The following NBEA variants were observed in gnomAD, a reference collection of about 807,000 sequenced individuals.
NBEA encodes the protein neurobeachin, also known as lysosomal-trafficking regulator 2.
Under a neutral mutation model 343.4 loss-of-function variants are expected in NBEA, and 44 were observed. The ratio of observed to expected loss-of-function variants is 0.13; its 90% confidence interval spans 0.10 to 0.16. The LOEUF (loss-of-function observed/expected upper bound fraction) is 0.16, where lower values mean the gene tolerates loss of function less well. Among genes scored for constraint, NBEA ranks in the 10% least tolerant of loss-of-function variants. The pLI is 1.00. For missense variants in NBEA, 2,555 were observed against 3,631.3 expected (o/e 0.70, Z 7.62); for synonymous variants, 1,175 against 1,238.7 (o/e 0.95, Z 1.08).
intron 49 of NBEA, among the ~76,000 whole-genome samples, chr13:35,636,201 T>G (rs1213064405): frequency 6.6e-6 from 1 of 152,232 alleles, no homozygotes; most frequent in Non-Finnish European, 1.5e-5. Context: ...CATACTTCAA[T>G]TTGTTGAAAT....
At chr13:35,089,928 G>A (rs1396529886) in intron 10 of NBEA, among the ~76,000 whole-genome samples, 196 of 102,940 alleles carry the variant, frequency 1.9e-3, no homozygotes, top group Middle Eastern at 0.011. Context: ...GGGGAGGGGG[G>A]AGGGATAGCA....
At chr13:35,241,281 A>G (rs938401048) in intron 34 of NBEA, among the ~76,000 whole-genome samples, 2 of 151,832 alleles carry the variant, frequency 1.3e-5, no homozygotes, top group African/African-American at 4.8e-5. Flanking sequence ...TCCCACATAC[A>G]TATGGTAACA....
At position 35,177,024 on chromosome 13, in the gene NBEA, T is replaced by C; in HGVS notation, c.4583T>C (p.Leu1528Pro). 1 of 1,602,704 alleles carries C rather than the reference T, an allele frequency of 6.2e-7. No homozygotes were observed. Among genetic ancestry groups the C allele is most frequent in the Non-Finnish European group, 8.5e-7 (1 of 1,173,400 alleles). The change falls in exon 28 of 59, where the codon CTT becomes CCT. Residue 1528 changes from leucine to proline, a missense_variant. Around this residue, in one of 21 missense-constraint regions of NBEA, gnomAD observed 168 missense variants for 193.0 expected, o/e 0.87. Transcript: ENST00000379939. ...KTPLENVPGNLSPIKDPDRLL... is the reference protein window; with the variant it reads ...KTPLENVPGNPSPIKDPDRLL... The stretch of plus-strand genomic sequence containing the variant: ...CCATTGGAAAATGTTCCAGGTAACC[T>C]TTCTCCTATTAAGGATCCGGATAGA...
intron 43 of NBEA, among the ~76,000 whole-genome samples, chr13:35,552,985 A>G (rs2079407951): frequency 6.6e-6 from 1 of 151,678 alleles, no homozygotes; most frequent in Non-Finnish European, 1.5e-5. Flanking sequence ...TGATGTCCCC[A>G]GGCTCAGGAG....
intron 38 of NBEA, among the ~76,000 whole-genome samples, chr13:35,352,909 A>AATT (rs1028546964): frequency 2.0e-5 from 3 of 152,034 alleles, no homozygotes; most frequent in African/African-American, 7.3e-5. Flanking sequence ...GTGGACATAC[A>AATT]ATTATTGTTG....
intron 48 of NBEA, among the ~76,000 whole-genome samples, chr13:35,617,757 C>G (rs1254308025): frequency 3.9e-5 from 6 of 152,144 alleles, no homozygotes; most frequent in Admixed American, 1.3e-4. Flanking sequence ...TTTTCTCATC[C>G]TACTACTAGG....
intron 47 of NBEA, among the ~76,000 whole-genome samples, chr13:35,601,284 AT>A (rs2082034409): frequency 6.6e-6 from 1 of 152,174 alleles, no homozygotes; most frequent in Non-Finnish European, 1.5e-5. Context: ...AGTAATCTTG[AT>A]TCATTTTTAA....
At chr13:35,628,681 G>T (rs2083328258) in intron 49 of NBEA, among the ~76,000 whole-genome samples, 1 of 152,170 alleles carries the variant, frequency 6.6e-6, no homozygotes, top group African/African-American at 2.4e-5. Context: ...ACTTTGGGAG[G>T]CCAAGGTGAG....
chr13:35,179,275 A>T (rs2071136598), intron 28 of NBEA, among the ~76,000 whole-genome samples: 1 of 151,628 alleles, frequency 6.6e-6, no homozygotes, highest in Non-Finnish European at 1.5e-5. Context: ...TTAGTGCTTG[A>T]TACATAATAT....
At chr13:35,144,189 G>T (rs1159671300) in intron 18 of NBEA, among the ~76,000 whole-genome samples, 2 of 152,088 alleles carry the variant, frequency 1.3e-5, no homozygotes, top group Non-Finnish European at 2.9e-5. Flanking sequence ...GGGGAGTGTG[G>T]GTATACTTAA....
chr13:35,466,862 C>G (rs970187105), intron 40 of NBEA, among the ~76,000 whole-genome samples: 6 of 152,158 alleles, frequency 3.9e-5, no homozygotes, highest in Admixed American at 3.3e-4. Flanking sequence ...AAAACAGTCA[C>G]TATCTGTAGA....
chr13:35,029,805 T>G (rs1277391728), intron 1 of NBEA, among the ~76,000 whole-genome samples: 1 of 151,700 alleles, frequency 6.6e-6, no homozygotes, highest in Non-Finnish European at 1.5e-5. Context: ...TTCAAAATTT[T>G]TATTCAGTAA....
intron 31 of NBEA, among the ~76,000 whole-genome samples, chr13:35,197,739 A>G (rs955856027): frequency 6.6e-6 from 1 of 151,990 alleles, no homozygotes; most frequent in Non-Finnish European, 1.5e-5. Context: ...TGACCTCATG[A>G]TCCACCCGCC....
At chr13:35,033,915 G>GT (rs1026767015) in intron 1 of NBEA, among the ~76,000 whole-genome samples, 1 of 151,408 alleles carries the variant, frequency 6.6e-6, no homozygotes, top group African/African-American at 2.4e-5. Context: ...AAATCTTTAG[G>GT]TTTTTTTCAG....
chr13:35,306,513 C>T (rs189355408), intron 35 of NBEA, among the ~76,000 whole-genome samples: 1 of 151,840 alleles, frequency 6.6e-6, no homozygotes, highest in African/African-American at 2.4e-5. Context: ...CTTCATATGT[C>T]CCAGTTTTAT....
At chr13:35,166,347 A>G (rs916833728) in intron 24 of NBEA, among the ~76,000 whole-genome samples, 1 of 152,206 alleles carries the variant, frequency 6.6e-6, no homozygotes, top group Non-Finnish European at 1.5e-5. Flanking sequence ...CTATTGCACC[A>G]GTCAAATTTG....
At chr13:35,029,468 G>A (rs2062129514) in intron 1 of NBEA, among the ~76,000 whole-genome samples, 1 of 151,588 alleles carries the variant, frequency 6.6e-6, no homozygotes, top group Non-Finnish European at 1.5e-5. Flanking sequence ...GGATGGTATT[G>A]TAGAAACTTT....
rs1194619135 is a variant in NBEA, at chr13:35,269,077, G to GA, written c.5777-21306dup. 4.6e-5 allele frequency among the ~76,000 whole-genome samples: 7 copies of GA among 152,068 alleles called. No homozygotes were observed. The South Asian group carries it at 8.3e-4, about 18-fold the overall frequency. ...GATGGAAACATGGACACATACAAAT[G>GA]AAAAAAGGAGTACAAGAAATGGTTT... On this transcript the variant is annotated intron_variant, in intron 34 of 58. Coordinates refer to ENST00000379939, the MANE Select transcript of NBEA (RefSeq NM_001385012.1).
At chr13:35,277,622 C>CAAAAA (rs10603160) in intron 34 of NBEA, among the ~76,000 whole-genome samples, 1 of 49,902 alleles carries the variant, frequency 2.0e-5, no homozygotes, top group African/African-American at 7.7e-5. Context: ...ACTCCGTCTC[C>CAAAAA]AAAAAAAAAA....
Sources: gnomAD v4.1 joint callset for allele counts (sites outside exome capture counted in the v4.1 genomes callset) on GRCh38, gnomAD v4.1.1 for gene constraint, gnomAD v4.1.1 regional missense constraint, MANE v1.5 for transcripts, NCBI Gene and HGNC (gene_info 2026-07-23, HGNC 2026-07-21) for gene names.